The following SF3B1 variants were observed in gnomAD, a reference collection of about 807,000 sequenced individuals.
SF3B1 encodes the protein splicing factor 3b subunit 1.
SF3B1 carries 12 observed loss-of-function variants against 153.8 expected under a neutral mutation model. The ratio of observed to expected loss-of-function variants is 0.08; its 90% CI spans 0.05 to 0.13. SF3B1 has a LOEUF of 0.13. Among genes scored for constraint, SF3B1 ranks in the 10% least tolerant of loss-of-function variants. The pLI, the probability that SF3B1 is intolerant of heterozygous loss-of-function variation, is 1.00. For missense variants in SF3B1, 513 were observed against 1,606.1 expected (o/e 0.32, Z 11.63); for synonymous variants, 498 against 525.2 (o/e 0.95, Z 0.71).
intron 2 of SF3B1, among the ~76,000 whole-genome samples, chr2:197,421,586 A>C (rs2085243341): frequency 6.6e-6 from 1 of 152,208 alleles, no homozygotes; most frequent in African/African-American, 2.4e-5. Flanking sequence ...TAAACAGAAC[A>C]ATGTTATACT....
intron 9 of SF3B1, among the ~76,000 whole-genome samples, chr2:197,407,442 T>C (rs1222887483): frequency 6.6e-6 from 1 of 151,958 alleles, no homozygotes; most frequent in Non-Finnish European, 1.5e-5. Flanking sequence ...CTGTCTCTAC[T>C]AGAAATACAA....
chr2:197,400,525 A>C lies in SF3B1; in HGVS notation c.2719-91T>G. 1 of 1,195,140 alleles carries C rather than the reference A, an allele frequency of 8.4e-7. No homozygotes were observed. The highest frequency in any genetic ancestry group is 1.2e-6 in the Non-Finnish European group (1 of 852,906). 74.0% of individuals were successfully genotyped at this position (1,195,140 alleles called of 1,614,324 possible). A position where few individuals can be genotyped will look rare whatever the true frequency, so the allele number is the denominator to read the frequency against. On this transcript the variant is annotated intron_variant, in intron 18 of 24. Coordinates refer to ENST00000335508, the MANE Select transcript of SF3B1 (RefSeq NM_012433.4). This position sits in a 1 kb window ranked among gnomAD's most constrained non-coding sequence, Gnocchi z 5.0. ...AAGAGTCAACCTTTTCTAACCACCC[A>C]AACATCTGTTGCTGTTTTTTTACAT...
intron 7 of SF3B1, 91 bp downstream of exon 7, chr2:197,409,679 C>T (rs376537134): frequency 7.1e-6 from 7 of 983,536 alleles, no homozygotes; most frequent in South Asian, 1.4e-5. Flanking sequence ...GTTATTTATA[C>T]GTGTCCACCC....
intron 6 of SF3B1, among the ~76,000 whole-genome samples, chr2:197,413,261 C>T (rs528109722): frequency 1.3e-5 from 2 of 151,982 alleles, no homozygotes; most frequent in African/African-American, 2.4e-5. Context: ...ATTAGCTGGG[C>T]GTGATGGCAC....
chr2:197,415,533 C>T (rs1469175489), intron 6 of SF3B1, among the ~76,000 whole-genome samples: 4 of 152,054 alleles, frequency 2.6e-5, no homozygotes, highest in African/African-American at 7.2e-5. Flanking sequence ...GGATTACAAG[C>T]GTGAGCCACC....
intron 6 of SF3B1, among the ~76,000 whole-genome samples, chr2:197,411,191 G>A (rs574405123): frequency 1.3e-5 from 2 of 152,300 alleles, no homozygotes; most frequent in African/African-American, 4.8e-5. Flanking sequence ...GGGTTCCACA[G>A]TAGTTCAAAC....
At chr2:197,419,040 C>G (rs2085198882) in intron 4 of SF3B1, 1 of 969,550 alleles carries the variant, frequency 1.0e-6, no homozygotes, top group Non-Finnish European at 1.6e-6. Flanking sequence ...AAAATCCTGA[C>G]TACAAATAAC....
At chr2:197,396,397 A>T in intron 22 of SF3B1, 69 bp from the exon 23 acceptor site, 2 of 1,338,450 alleles carry the variant, frequency 1.5e-6, no homozygotes, top group Non-Finnish European at 2.1e-6. Flanking sequence ...AAAAAAATGC[A>T]TAAAGATGAA....
intron 11 of SF3B1, among the ~76,000 whole-genome samples, chr2:197,404,460 G>C (rs918723087): frequency 6.6e-6 from 1 of 152,060 alleles, no homozygotes; most frequent in African/African-American, 2.4e-5. Flanking sequence ...CACGCCTGTA[G>C]TCCCAGCTAC....
chr2:197,405,519 C>T (rs375442488), intron 9 of SF3B1, 47 bp from the exon 10 acceptor site: 1 of 1,311,840 alleles, frequency 7.6e-7, no homozygotes, highest in African/African-American at 1.5e-5. Context: ...ACTTAAAAAA[C>T]AGCATAATGA....
At chr2:197,411,025 C>A (rs1368580412) in intron 6 of SF3B1, among the ~76,000 whole-genome samples, 1 of 152,172 alleles carries the variant, frequency 6.6e-6, no homozygotes, top group Non-Finnish European at 1.5e-5. Context: ...GCAGTCTCCA[C>A]CTACCAAGCT....
chr2:197,397,451 A>G (rs1361816191), intron 22 of SF3B1, among the ~76,000 whole-genome samples: 3 of 152,232 alleles, frequency 2.0e-5, no homozygotes, highest in Admixed American at 2.0e-4. Context: ...GAAAACACCT[A>G]AAGTGTAATT....
In SF3B1 at chr2:197,416,729, A is replaced by G; in HGVS notation, c.666+12T>C. On this transcript the variant is annotated intron_variant, in intron 6 of 24. Transcript: ENST00000335508. ...TTTTTAACAGTAATAACAAAAAACAAAAAGAAATTACCTCTGCCTGATCCC... is the reference window on the plus strand; with the variant it reads ...TTTTTAACAGTAATAACAAAAAACAGAAAGAAATTACCTCTGCCTGATCCC... The G allele has an allele frequency of 6.3e-7, 1 of 1,595,902 alleles. No individual in the cohort carries two copies. Among genetic ancestry groups the G allele is most frequent in the African/African-American group, 1.4e-5 (1 of 73,672 alleles).
chr2:197,405,226 T>C, intron 10 of SF3B1, 49 bp from the exon 11 acceptor site: 1 of 1,595,040 alleles, frequency 6.3e-7, no homozygotes, highest in Non-Finnish European at 8.6e-7. Context: ...TGTTATGATT[T>C]ATAATTCTGG....
At chr2:197,421,178 CTTAAAAA>C (rs774468171) in intron 2 of SF3B1, 45 bp from the exon 3 acceptor site, 4 of 1,251,684 alleles carry the variant, frequency 3.2e-6, no homozygotes, top group Non-Finnish European at 3.5e-6. Flanking sequence ...AATGTTAGAA[CTTAAAAA>C]TTAGAAAGAA....
chr2:197,405,044 C>A (rs2084975711), intron 11 of SF3B1, 32 bp downstream of exon 11: 2 of 1,407,376 alleles, frequency 1.4e-6, no homozygotes, highest in Non-Finnish European at 9.8e-7. Context: ...AAATAAGCAA[C>A]AAACATGACA....
chr2:197,412,970 CAA>C (rs779446735), intron 6 of SF3B1, among the ~76,000 whole-genome samples: 56 of 45,492 alleles, frequency 1.2e-3, no homozygotes, highest in African/African-American at 1.4e-3. Context: ...ACTGTTGTCT[CAA>C]AAAAAAAAAA....
At position 197,401,036 on chromosome 2, in the gene SF3B1, G is replaced by T. The variant is rs114444042; in HGVS notation, c.2497-100C>A. ...ATACTCTAAATATACTACTTATTTA[G>T]CTAATAAACATGGTAAGAATGATTC... On this transcript the variant is annotated intron_variant, in intron 17 of 24. Transcript: ENST00000335508. This position sits in a 1 kb window ranked among gnomAD's most constrained non-coding sequence, Gnocchi z 4.2. The T allele has an allele frequency of 9.6e-4, 670 of 699,488 alleles. 4 individuals carry two copies. In the African/African-American group the frequency reaches 0.011, roughly 11 times the overall value. 43.3% of individuals were successfully genotyped at this position (699,488 alleles called of 1,614,324 possible).
In SF3B1 at chr2:197,408,459, C is replaced by T; in HGVS notation, c.1027G>A (p.Ala343Thr). 6.2e-7 allele frequency: 1 copy of T among 1,614,064 alleles called. No individual in the cohort carries two copies. The highest frequency in any genetic ancestry group is 8.5e-7 in the Non-Finnish European group (1 of 1,180,028). ...GGAGTGCTTCCACCCATCTGACTAG[C>T]TGGTGTTTCATCCCACCGTGATTTT... ...KRKSRWDETPASQMGGSTPVL... is the reference protein window; with the variant it reads ...KRKSRWDETPTSQMGGSTPVL... The change falls in exon 8 of 25, where the codon GCT becomes ACT. Residue 343 changes from alanine (A) to threonine (T), a missense_variant. Physicochemically the swap from Ala to Thr is moderately conservative, Grantham distance 58. Coordinates refer to ENST00000335508, the MANE Select transcript of SF3B1 (RefSeq NM_012433.4).
Sources: allele counts gnomAD v4.1 joint callset (sites outside exome capture counted in the v4.1 genomes callset), GRCh38; gene constraint gnomAD v4.1.1; non-coding constraint Gnocchi (gnomAD v3.1); transcripts MANE v1.5; gene names NCBI Gene and HGNC (gene_info 2026-07-23, HGNC 2026-07-21).